The following DENND1A variants were observed in gnomAD, a reference collection of about 807,000 sequenced individuals.
DENND1A encodes the protein DENN domain-containing protein 1A.
Under a neutral mutation model 113.7 loss-of-function variants are expected in DENND1A, and 51 were observed. The ratio of observed to expected loss-of-function variants is 0.45; its 90% CI spans 0.36 to 0.57. DENND1A has a LOEUF of 0.57. Among genes scored for constraint, DENND1A ranks in the 20% least tolerant of loss-of-function variants. The probability of loss-of-function intolerance (pLI) is 0.00; values close to 1 mark genes in which losing one functional copy is unlikely to be tolerated. For synonymous variants in DENND1A, 565 were observed against 570.8 expected (o/e 0.99, Z 0.14); for missense variants, 1,258 against 1,395.9 (o/e 0.90, Z 1.57).
At chr9:123,582,935 G>A (rs1001645029) in intron 12 of DENND1A, among the ~76,000 whole-genome samples, 1 of 142,052 alleles carries the variant, frequency 7.0e-6, no homozygotes, top group Admixed American at 7.1e-5. Context: ...CTGACCTCAG[G>A]TGATCCACCC....
intron 9 of DENND1A, among the ~76,000 whole-genome samples, chr9:123,648,789 C>A (rs541039208): frequency 6.6e-6 from 1 of 151,992 alleles, no homozygotes; most frequent in South Asian, 2.1e-4. Context: ...GTTCTTGATC[C>A]ATTTGGAATT....
At chr9:123,851,072 A>G (rs978562536) in intron 2 of DENND1A, among the ~76,000 whole-genome samples, 2 of 152,224 alleles carry the variant, frequency 1.3e-5, no homozygotes, top group African/African-American at 4.8e-5. Flanking sequence ...CAAGCATGGA[A>G]GTGTATAATT....
intron 20 of DENND1A, among the ~76,000 whole-genome samples, chr9:123,410,574 C>G (rs2044226722): frequency 6.6e-6 from 1 of 152,164 alleles, no homozygotes; most frequent in Non-Finnish European, 1.5e-5. Context: ...TAATTCCCAC[C>G]CACAGCGGGG....
chr9:123,751,949 T>C (rs1314051718), intron 5 of DENND1A: 1 of 152,204 alleles, frequency 6.6e-6, no homozygotes, highest in African/African-American at 2.4e-5. Flanking sequence ...ACAACACTGA[T>C]CGCATTATGT....
At chr9:123,549,649 T>G (rs1327004668) in intron 13 of DENND1A, among the ~76,000 whole-genome samples, 1 of 152,080 alleles carries the variant, frequency 6.6e-6, no homozygotes, top group Non-Finnish European at 1.5e-5. Context: ...AGACTGGAAA[T>G]AACCTAAATG....
chr9:123,871,005 T>C (rs1234253970), intron 2 of DENND1A, among the ~76,000 whole-genome samples: 5 of 152,188 alleles, frequency 3.3e-5, no homozygotes, highest in Non-Finnish European at 7.3e-5. Flanking sequence ...CTCTAGAACA[T>C]TTTAATCTGG....
intron 2 of DENND1A, among the ~76,000 whole-genome samples, chr9:123,844,613 C>T (rs650338): frequency 6.6e-6 from 1 of 151,934 alleles, no homozygotes; most frequent in South Asian, 2.1e-4. Flanking sequence ...TCATGGATTG[C>T]AACACAATAT....
intron 5 of DENND1A, among the ~76,000 whole-genome samples, chr9:123,677,294 C>A (rs2064143066): frequency 6.6e-6 from 1 of 152,234 alleles, no homozygotes; most frequent in Non-Finnish European, 1.5e-5. Context: ...CACACCATCT[C>A]TCTATCTACT....
chr9:123,677,886 CCT>C (rs2064188115), intron 5 of DENND1A, among the ~76,000 whole-genome samples: 3 of 152,166 alleles, frequency 2.0e-5, no homozygotes, highest in Non-Finnish European at 1.5e-5. Context: ...TTCTGGTTGT[CCT>C]CTGTCTACTT....
At chr9:123,409,458 T>G (rs1395304087) in intron 20 of DENND1A, among the ~76,000 whole-genome samples, 1 of 151,470 alleles carries the variant, frequency 6.6e-6, no homozygotes, top group South Asian at 2.1e-4. Flanking sequence ...CCAGGAAGTA[T>G]CACGCAAATA....
At chr9:123,398,094 A>ACT (rs1431297782) in intron 21 of DENND1A, among the ~76,000 whole-genome samples, 1 of 152,252 alleles carries the variant, frequency 6.6e-6, no homozygotes, top group East Asian at 1.9e-4. Flanking sequence ...AAGACTCAGA[A>ACT]GACAGCCCTA....
intron 19 of DENND1A, among the ~76,000 whole-genome samples, chr9:123,419,547 C>T (rs570003366): frequency 6.6e-6 from 1 of 152,322 alleles, no homozygotes; most frequent in South Asian, 2.1e-4. Flanking sequence ...GGCTAGTAGC[C>T]ACATCAATGC....
chr9:123,385,058 C>A (rs2042485759), intron 22 of DENND1A, among the ~76,000 whole-genome samples: 1 of 152,244 alleles, frequency 6.6e-6, no homozygotes, highest in Admixed American at 6.5e-5. Context: ...CTTGCCTTCC[C>A]TTCCCATGGA....
chr9:123,658,453 T>C (rs1037390098), intron 8 of DENND1A, among the ~76,000 whole-genome samples: 1 of 152,238 alleles, frequency 6.6e-6, no homozygotes, highest in East Asian at 1.9e-4. Flanking sequence ...CACTCCTACA[T>C]GTGTTATCTT....
chr9:123,660,638 G>A (rs930627090), intron 8 of DENND1A, among the ~76,000 whole-genome samples: 6 of 152,120 alleles, frequency 3.9e-5, no homozygotes, highest in Non-Finnish European at 7.4e-5. Context: ...AAATGTAAAT[G>A]TCTATTAGTA....
intron 5 of DENND1A, among the ~76,000 whole-genome samples, chr9:123,729,512 G>A (rs953202070): frequency 6.6e-6 from 1 of 152,130 alleles, no homozygotes; most frequent in Admixed American, 6.5e-5. Context: ...ATTCACAATT[G>A]CTACAAAGAG....
intron 5 of DENND1A, among the ~76,000 whole-genome samples, chr9:123,738,108 A>T (rs550171534): frequency 6.6e-6 from 1 of 152,334 alleles, no homozygotes; most frequent in South Asian, 2.1e-4. Flanking sequence ...CATAACCAGT[A>T]TTTGTTAAAG....
intron 2 of DENND1A, among the ~76,000 whole-genome samples, chr9:123,872,897 C>G (rs1427225946): frequency 6.6e-6 from 1 of 152,146 alleles, no homozygotes; most frequent in African/African-American, 2.4e-5. Context: ...CTTTCTAACC[C>G]ACCTTCTCAC....
chr9:123,785,698 T>A (rs1272010379), intron 3 of DENND1A, among the ~76,000 whole-genome samples: 2 of 152,172 alleles, frequency 1.3e-5, no homozygotes, highest in Non-Finnish European at 2.9e-5. Context: ...AATACTGATA[T>A]CCACTTCAAG....
Sources: allele counts gnomAD v4.1 joint callset (sites outside exome capture counted in the v4.1 genomes callset), GRCh38; gene constraint gnomAD v4.1.1; transcripts MANE v1.5; gene names NCBI Gene and HGNC (gene_info 2026-07-23, HGNC 2026-07-21).